SLC9C2: variants seen among roughly 807,000 people sequenced by gnomAD.
The protein encoded by SLC9C2 is solute carrier family 9 member C2 (putative), also known as sodium/hydrogen exchanger 11.
A neutral mutation model predicts 140.2 loss-of-function variants in SLC9C2; 75 were observed. The observed-to-expected ratio is 0.53, with a 90% CI of 0.44 to 0.65. The LOEUF (loss-of-function observed/expected upper bound fraction) is 0.65. SLC9C2 is among the 30% of genes least tolerant of loss of function. The pLI is 0.00. For synonymous variants in SLC9C2, 375 were observed against 420.9 expected (o/e 0.89, Z 1.34); for missense variants, 1,074 against 1,331.8 (o/e 0.81, Z 3.01).
At chr1:173,576,011 T>C (rs1426614788) in intron 8 of SLC9C2, among the ~76,000 whole-genome samples, 5 of 152,234 alleles carry the variant, frequency 3.3e-5, no homozygotes, top group Admixed American at 2.6e-4. Context: ...ATAGTCCTTA[T>C]ATTAAATAAA....
chr1:173,517,630 T>C lies in SLC9C2; in HGVS notation c.2814A>G (p.Thr938=), dbSNP rs907201056. 1 of 1,614,072 alleles carries C rather than the reference T, an allele frequency of 6.2e-7. No individual in the cohort carries two copies. Among genetic ancestry groups the C allele is most frequent in the Non-Finnish European group, 8.5e-7 (1 of 1,179,984 alleles). Reference sequence around the variant, plus strand: ...TTATGTCCCCAGTAGTACAGAACTCTGTAAACATGTCTCTGGACCCTCTAT... The same window carrying C: ...TTATGTCCCCAGTAGTACAGAACTCCGTAAACATGTCTCTGGACCCTCTAT... ...RCDRGSRDMF[T]EFCTTGDIIG... is the part of the protein sequence containing the mutation. Residue 938 remains threonine (T), a synonymous_variant, in exon 23 of 28, where the codon ACA becomes ACG. Coordinates refer to ENST00000367714, the MANE Select transcript of SLC9C2 (RefSeq NM_178527.4).
intron 4 of SLC9C2, among the ~76,000 whole-genome samples, chr1:173,592,565 T>C (rs752041760): frequency 7.2e-5 from 11 of 152,314 alleles, no homozygotes; most frequent in Non-Finnish European, 1.3e-4. Context: ...ATTGTAGAGA[T>C]CTTTCACCTC....
rs748243926 is a variant in SLC9C2, at chr1:173,557,516, G to C, written c.1047-8C>G. On this transcript the variant is annotated splice_polypyrimidine_tract_variant and splice_region_variant and intron_variant, in intron 9 of 27. Transcript: ENST00000367714. Reference sequence around the variant, plus strand: ...AACAAAATAGTAAGCAACCTGTGGAGAGGGAAACATTAAAAATAAATCTCA... The same window carrying C: ...AACAAAATAGTAAGCAACCTGTGGACAGGGAAACATTAAAAATAAATCTCA... The C allele has an allele frequency of 6.2e-7, 1 of 1,601,972 alleles. No individual in the cohort carries two copies. Among genetic ancestry groups the C allele is most frequent in the Non-Finnish European group, 8.5e-7 (1 of 1,175,910 alleles).
At chr1:173,589,910 G>C (rs1162866645) in intron 4 of SLC9C2, among the ~76,000 whole-genome samples, 1 of 152,060 alleles carries the variant, frequency 6.6e-6, no homozygotes, top group African/African-American at 2.4e-5. Context: ...AAATCATGGA[G>C]AATATGATGG....
intron 13 of SLC9C2, among the ~76,000 whole-genome samples, chr1:173,542,176 T>C (rs1026392117): frequency 6.6e-6 from 1 of 152,082 alleles, no homozygotes; most frequent in Non-Finnish European, 1.5e-5. Context: ...ATAAAGGGGA[T>C]ACCAGCACTG....
chr1:173,565,166 A>T (rs953627341), intron 9 of SLC9C2, among the ~76,000 whole-genome samples: 15 of 151,472 alleles, frequency 9.9e-5, no homozygotes, highest in Admixed American at 6.6e-4. Context: ...TTGTCTCTTC[A>T]ATTTGTTGAT....
Position 173,506,852 on chromosome 1 carries a change from T to C in SLC9C2, c.3225+4A>G, listed in dbSNP as rs1659674021. The C allele has an allele frequency of 6.2e-7, 1 of 1,608,880 alleles. No individual in the cohort carries two copies. The highest frequency in any genetic ancestry group is 1.3e-5 in the African/African-American group (1 of 74,624). ...AGAGACTCTTTAGAAATGATATTTC[T>C]TACCTGCTCACAGGTTGTAGGTATA... On this transcript the variant is annotated splice_donor_region_variant and intron_variant, in intron 25 of 27. Coordinates refer to ENST00000367714, the MANE Select transcript of SLC9C2 (RefSeq NM_178527.4).
chr1:173,587,618 G>A, intron 5 of SLC9C2, 47 bp downstream of exon 5: 1 of 1,487,012 alleles, frequency 6.7e-7, no homozygotes, highest in Non-Finnish European at 9.2e-7. Context: ...AGAAAATAAT[G>A]TACCCTTATA....
intron 16 of SLC9C2, among the ~76,000 whole-genome samples, chr1:173,534,034 A>G (rs867495768): frequency 6.6e-6 from 1 of 152,178 alleles, no homozygotes; most frequent in Non-Finnish European, 1.5e-5. Flanking sequence ...TATTAAAAAT[A>G]GCAATAAACA....
intron 6 of SLC9C2, among the ~76,000 whole-genome samples, chr1:173,582,523 A>T (rs1206439817): frequency 6.6e-6 from 1 of 152,130 alleles, no homozygotes; most frequent in Non-Finnish European, 1.5e-5. Flanking sequence ...GGTAGTCCTA[A>T]ATGACAAAAA....
chr1:173,592,448 T>G, intron 4 of SLC9C2, among the ~76,000 whole-genome samples: 1 of 152,198 alleles, frequency 6.6e-6, no homozygotes, highest in East Asian at 1.9e-4. Context: ...TAAATTGCTT[T>G]GGGTAGCCAT....
At chr1:173,601,499 T>C in intron 2 of SLC9C2, 151 bp downstream of exon 2, 1 of 813,042 alleles carries the variant, frequency 1.2e-6, no homozygotes, top group South Asian at 1.9e-5. Flanking sequence ...ACACTACTTA[T>C]AATTAAATGA....
At position 173,547,674 on chromosome 1, in the gene SLC9C2, G is replaced by A; in HGVS notation, c.1557+15C>T. 1 of 1,589,364 alleles carries A rather than the reference G, an allele frequency of 6.3e-7. No homozygotes were observed. The highest frequency in any genetic ancestry group is 8.6e-7 in the Non-Finnish European group (1 of 1,162,384). On this transcript the variant is annotated intron_variant, in intron 13 of 27. Transcript: ENST00000367714. ...AAGAAAGGAAATTTTAAAACATTAT[G>A]TGAACAGCACCAACCATTTGTATTG...
At chr1:173,559,293 C>T (rs1027748956) in intron 9 of SLC9C2, among the ~76,000 whole-genome samples, 1 of 152,350 alleles carries the variant, frequency 6.6e-6, no homozygotes, top group Non-Finnish European at 1.5e-5. Flanking sequence ...CCTGCCCTGC[C>T]TTTCCAAGAC....
chr1:173,573,036 C>T (rs936133741), intron 9 of SLC9C2, 146 bp downstream of exon 9: 2 of 528,254 alleles, frequency 3.8e-6, no homozygotes, highest in African/African-American at 2.0e-5. Flanking sequence ...AGTTGCACAG[C>T]AAGCTATTGT....
chr1:173,511,962 A>G (rs1385324428), intron 23 of SLC9C2, among the ~76,000 whole-genome samples: 1 of 152,142 alleles, frequency 6.6e-6, no homozygotes, highest in African/African-American at 2.4e-5. Flanking sequence ...AGGTAGTTGT[A>G]TATGTGTAGG....
intron 6 of SLC9C2, 62 bp from the exon 7 acceptor site, chr1:173,582,070 C>A: frequency 1.1e-5 from 15 of 1,317,098 alleles, no homozygotes; most frequent in Non-Finnish European, 1.4e-5. Flanking sequence ...GTCTCTTTCA[C>A]TGATGGCATT....
chr1:173,544,332 G>C (rs894462370), intron 13 of SLC9C2, among the ~76,000 whole-genome samples: 1 of 152,156 alleles, frequency 6.6e-6, no homozygotes, highest in Non-Finnish European at 1.5e-5. Context: ...CAGTTAGAAT[G>C]GTGATCATTA....
At chr1:173,574,505 CTTT>C (rs746733038) in intron 8 of SLC9C2, among the ~76,000 whole-genome samples, 2 of 104,844 alleles carry the variant, frequency 1.9e-5, no homozygotes, top group Non-Finnish European at 1.8e-5. Context: ...GAGTTAAGTA[CTTT>C]TTTTTTTTTT....
Sources: gnomAD v4.1 joint callset for allele counts (sites outside exome capture counted in the v4.1 genomes callset) on GRCh38, gnomAD v4.1.1 for gene constraint, MANE v1.5 for transcripts, NCBI Gene and HGNC (gene_info 2026-07-23, HGNC 2026-07-21) for gene names.